PARD3B: variants seen among roughly 807,000 people sequenced by gnomAD.
PARD3B encodes partitioning defective 3 homolog B.
PARD3B carries 103 observed loss-of-function variants against 130.2 expected under a neutral mutation model. The observed-to-expected ratio is 0.79, with a 90% CI of 0.67 to 0.93. The LOEUF (loss-of-function observed/expected upper bound fraction) is 0.93. Ranked by LOEUF, PARD3B falls within the 40% of genes least tolerant of loss-of-function variation. PARD3B has a pLI of 0.00. For missense variants in PARD3B, 1,609 were observed against 1,499.2 expected (o/e 1.07, Z -1.21); for synonymous variants, 583 against 553.2 (o/e 1.05, Z -0.76).
chr2:205,034,410 A>G (rs999499378), intron 3 of PARD3B, among the ~76,000 whole-genome samples: 1 of 152,132 alleles, frequency 6.6e-6, no homozygotes, highest in Non-Finnish European at 1.5e-5. Context: ...TTACTTGTTG[A>G]TGATTGGTCT....
chr2:205,147,825 G>A (rs937331858), intron 10 of PARD3B, among the ~76,000 whole-genome samples: 9 of 152,220 alleles, frequency 5.9e-5, no homozygotes, highest in South Asian at 2.1e-4. Context: ...GTTACACCGA[G>A]CTCTGTGAAA....
At chr2:204,959,300 A>T (rs1479479459) in intron 2 of PARD3B, among the ~76,000 whole-genome samples, 2 of 152,160 alleles carry the variant, frequency 1.3e-5, no homozygotes, top group East Asian at 3.9e-4. Flanking sequence ...TCTGCAAAGG[A>T]CATGAACTCA....
chr2:205,182,403 T>C (rs560331666), intron 13 of PARD3B, among the ~76,000 whole-genome samples: 3 of 148,570 alleles, frequency 2.0e-5, no homozygotes, highest in African/African-American at 4.9e-5. Context: ...AAAAAAACAC[T>C]GAAAAACACA....
At chr2:205,423,960 C>A (rs1408702101) in intron 19 of PARD3B, among the ~76,000 whole-genome samples, 1 of 151,962 alleles carries the variant, frequency 6.6e-6, no homozygotes, top group Non-Finnish European at 1.5e-5. Flanking sequence ...GGGAGGGGAT[C>A]AGGAAAAATA....
intron 22 of PARD3B, among the ~76,000 whole-genome samples, chr2:205,556,186 T>A (rs2052876444): frequency 1.3e-5 from 2 of 152,206 alleles, no homozygotes; most frequent in South Asian, 4.1e-4. Flanking sequence ...GTTAAATTTT[T>A]AATTAAAAAC....
chr2:205,244,336 C>T lies in PARD3B; in HGVS notation c.2141-1442C>T, dbSNP rs1361732787. 6.6e-6 allele frequency among the ~76,000 whole-genome samples: 1 copy of T among 152,090 alleles called. No individual in the cohort carries two copies. The highest frequency in any genetic ancestry group is 1.5e-5 in the Non-Finnish European group (1 of 68,016). On this transcript the variant is annotated intron_variant, in intron 15 of 22. Transcript: ENST00000406610. The surrounding 1 kb of genome is among the most constrained non-coding windows in gnomAD (Gnocchi z 4.7). ...CTCGCCTTGCTTCAACCCTTGAGAC[C>T]ACAGTTTTGTGTACTAACATAGACA...
chr2:204,560,039 G>A (rs1165891175), intron 1 of PARD3B, among the ~76,000 whole-genome samples: 1 of 152,076 alleles, frequency 6.6e-6, no homozygotes, highest in Non-Finnish European at 1.5e-5. Flanking sequence ...GGCCTGTTGT[G>A]GGGTGGGGGG....
At position 204,606,836 on chromosome 2, in the gene PARD3B, A is replaced by G. The variant is rs2125111312; in HGVS notation, c.120+60717A>G. On this transcript the variant is annotated intron_variant, in intron 1 of 22. Transcript: ENST00000406610. This position sits in a 1 kb window ranked among gnomAD's most constrained non-coding sequence, Gnocchi z 4.0. ...TTTGGAGGCTGCTCTGTCCAGGGAG[A>G]GTAAAACAAAATCTTAAAGTAGCAG... Among the ~76,000 whole-genome samples, 1 of 152,286 alleles carries G rather than the reference A, an allele frequency of 6.6e-6. No homozygotes were observed. The highest frequency in any genetic ancestry group is 3.4e-3 in the Middle Eastern group (1 of 294).
chr2:204,620,367 A>G (rs2034256871), intron 1 of PARD3B, among the ~76,000 whole-genome samples: 1 of 152,128 alleles, frequency 6.6e-6, no homozygotes. Flanking sequence ...TTCTTGGGTT[A>G]CAGGTGTGAG....
At chr2:205,362,266 A>T (rs949248511) in intron 18 of PARD3B, among the ~76,000 whole-genome samples, 1 of 152,226 alleles carries the variant, frequency 6.6e-6, no homozygotes, top group Non-Finnish European at 1.5e-5. Context: ...TCAGAGCAAA[A>T]TAATAGCCTG....
At chr2:205,266,153 T>C (rs1292515738) in intron 16 of PARD3B, among the ~76,000 whole-genome samples, 2 of 152,138 alleles carry the variant, frequency 1.3e-5, no homozygotes, top group African/African-American at 4.8e-5. Flanking sequence ...ATTGATTTAA[T>C]GTCTCCCAGA....
At chr2:205,195,835 A>AC (rs1480770992) in intron 15 of PARD3B, among the ~76,000 whole-genome samples, 15 of 151,852 alleles carry the variant, frequency 9.9e-5, no homozygotes, top group African/African-American at 3.6e-4. Flanking sequence ...AAATTTAAAA[A>AC]AAAAACCTTC....
Position 205,360,393 on chromosome 2 carries a change from CTTTGGGCT to C in PARD3B, c.2631-40616_2631-40609del, listed in dbSNP as rs2044346925. On this transcript the variant is annotated intron_variant, in intron 18 of 22. Coordinates refer to ENST00000406610, the MANE Select transcript of PARD3B (RefSeq NM_001302769.2). ...ATTATTTTCATTAGAGGTGGTTATA[CTTTGGGCT>C]TTTAGGATCTTAAGAAATCTTTTTC... 2.0e-5 allele frequency among the ~76,000 whole-genome samples: 3 copies of C among 151,660 alleles called. No individual in the cohort carries two copies. In the Admixed American group the frequency reaches 2.0e-4, roughly 10 times the overall value.
rs1306908377 is a variant in PARD3B at position 205,568,310 on chromosome 2, A to C, written c.3260+14907A>C. Among the ~76,000 whole-genome samples the C allele has an allele frequency of 6.6e-6, 1 of 152,196 alleles. No homozygotes were observed. The highest frequency in any genetic ancestry group is 2.1e-4 in the South Asian group (1 of 4,816). On this transcript the variant is annotated intron_variant, in intron 22 of 22. Coordinates refer to ENST00000406610, the MANE Select transcript of PARD3B (RefSeq NM_001302769.2). The surrounding 1 kb of genome is among the most constrained non-coding windows in gnomAD (Gnocchi z 5.3). ...GGAGTAGGTGCTCTGTGAATTGGTC[A>C]TGTCTTGTACGGAACACAGTGAATG...
rs572962475 is a variant in PARD3B at position 205,572,483 on chromosome 2, G to A, written c.3260+19080G>A. ...AGACAGGCCGGGTGCGGTGGTGCAC[G>A]CCTGTAATCCCAGCACTTTGGGAGG... On this transcript the variant is annotated intron_variant, in intron 22 of 22. Coordinates refer to ENST00000406610, the MANE Select transcript of PARD3B (RefSeq NM_001302769.2). The surrounding 1 kb of genome is among the most constrained non-coding windows in gnomAD (Gnocchi z 4.2). Among the ~76,000 whole-genome samples, 700 of 152,210 alleles carry A rather than the reference G, an allele frequency of 4.6e-3. No individual in the cohort carries two copies. Among genetic ancestry groups the A allele is most frequent in the Non-Finnish European group, 8.1e-3 (554 of 68,006 alleles).
intron 18 of PARD3B, among the ~76,000 whole-genome samples, chr2:205,313,186 A>G (rs567556187): frequency 6.6e-6 from 1 of 152,238 alleles, no homozygotes; most frequent in East Asian, 1.9e-4. Context: ...CACATTTAGG[A>G]TTGTTTGGTT....
At chr2:204,963,187 C>T (rs750555081) in intron 2 of PARD3B, among the ~76,000 whole-genome samples, 13 of 152,152 alleles carry the variant, frequency 8.5e-5, no homozygotes, top group African/African-American at 1.2e-4. Flanking sequence ...AACAAAACTT[C>T]GGAGCTACTC....
chr2:205,396,551 C>T (rs761941248), intron 18 of PARD3B, among the ~76,000 whole-genome samples: 18 of 152,154 alleles, frequency 1.2e-4, no homozygotes, highest in Admixed American at 1.0e-3. Context: ...TTACATAAAG[C>T]GTATGTTGAA....
At chr2:205,522,491 A>G (rs557492583) in intron 21 of PARD3B, among the ~76,000 whole-genome samples, 48 of 152,220 alleles carry the variant, frequency 3.2e-4, no homozygotes, top group African/African-American at 1.1e-3. Context: ...TATGGTAACT[A>G]TTGTCGTTAA....
Sources: allele counts gnomAD v4.1 joint callset (sites outside exome capture counted in the v4.1 genomes callset), GRCh38; gene constraint gnomAD v4.1.1; non-coding constraint Gnocchi (gnomAD v3.1); transcripts MANE v1.5; gene names NCBI Gene and HGNC (gene_info 2026-07-23, HGNC 2026-07-21).